CEPT1: variants seen among roughly 807,000 people sequenced by gnomAD.
CEPT1 encodes choline/ethanolamine phosphotransferase 1.
A neutral mutation model predicts 42.6 loss-of-function variants in CEPT1; 7 were observed. The ratio of observed to expected loss-of-function variants is 0.16; its 90% CI spans 0.09 to 0.31. CEPT1 has a LOEUF of 0.31. CEPT1 is among the 10% of genes least tolerant of loss of function. The probability of loss-of-function intolerance (pLI) is 1.00; values close to 1 mark genes in which losing one functional copy is unlikely to be tolerated. For synonymous variants in CEPT1, 171 were observed against 171.9 expected (o/e 0.99, Z 0.04); for missense variants, 306 against 502.1 (o/e 0.61, Z 3.73).
At chr1:111,161,422 C>G (rs1321170057) in intron 4 of CEPT1, 126 bp downstream of exon 4, 2 of 881,794 alleles carry the variant, frequency 2.3e-6, no homozygotes, top group Middle Eastern at 3.4e-4. Flanking sequence ...AAAATTTATG[C>G]TTCATTATTA....
At chr1:111,148,819 T>C (rs1557922607) in intron 2 of CEPT1, among the ~76,000 whole-genome samples, 1 of 152,192 alleles carries the variant, frequency 6.6e-6, no homozygotes, top group Non-Finnish European at 1.5e-5. Flanking sequence ...ACTAAGCTAG[T>C]TAGGTAGATG....
intron 5 of CEPT1, among the ~76,000 whole-genome samples, chr1:111,176,487 G>C (rs530451755): frequency 6.6e-6 from 1 of 152,012 alleles, no homozygotes; most frequent in South Asian, 2.1e-4. Context: ...GTAATATGTT[G>C]TACATAAAGT....
chr1:111,161,354 T>C, intron 4 of CEPT1, 58 bp downstream of exon 4: 1 of 1,465,082 alleles, frequency 6.8e-7, no homozygotes, highest in Non-Finnish European at 9.2e-7. Context: ...GAATGTTGCC[T>C]TATAAGTATT....
intron 1 of CEPT1, among the ~76,000 whole-genome samples, chr1:111,143,090 CT>C: frequency 6.6e-6 from 1 of 152,328 alleles, no homozygotes; most frequent in South Asian, 2.1e-4. Context: ...TTACAGGTTT[CT>C]TTATAAGCAC....
intron 5 of CEPT1, among the ~76,000 whole-genome samples, chr1:111,175,898 AAG>A (rs1656654597): frequency 6.6e-6 from 1 of 152,190 alleles, no homozygotes; most frequent in African/African-American, 2.4e-5. Flanking sequence ...AATCTTAACA[AAG>A]AAAAGATTTA....
At chr1:111,152,224 CTTGTTAGA>C (rs1182673776) in intron 2 of CEPT1, among the ~76,000 whole-genome samples, 1 of 151,884 alleles carries the variant, frequency 6.6e-6, no homozygotes, top group Non-Finnish European at 1.5e-5. Context: ...TAAAAAATAA[CTTGTTAGA>C]TTTTTTTTTG....
At chr1:111,171,558 G>A (rs1157615629) in intron 4 of CEPT1, among the ~76,000 whole-genome samples, 1 of 152,088 alleles carries the variant, frequency 6.6e-6, no homozygotes, top group Non-Finnish European at 1.5e-5. Context: ...CAGATGAATG[G>A]TTTGCTTCTT....
rs116055056 is a variant in CEPT1 at position 111,152,777 on chromosome 1, T to G, written c.339+4724T>G. On this transcript the variant is annotated intron_variant, in intron 2 of 8. Coordinates refer to ENST00000357172, the MANE Select transcript of CEPT1 (RefSeq NM_006090.5). ...GATTTTTAAAAACTTTTTGTATGTTTGAAATAGTAATAAAACTCATATTGT... is the reference window on the plus strand; with the variant it reads ...GATTTTTAAAAACTTTTTGTATGTTGGAAATAGTAATAAAACTCATATTGT... Among the ~76,000 whole-genome samples, 923 of 152,268 alleles carry G rather than the reference T, an allele frequency of 6.1e-3. 10 individuals carry two copies. The highest frequency in any genetic ancestry group is 0.021 in the African/African-American group (866 of 41,548).
intron 4 of CEPT1, among the ~76,000 whole-genome samples, chr1:111,170,211 T>C (rs1656351480): frequency 6.6e-6 from 1 of 152,186 alleles, no homozygotes; most frequent in African/African-American, 2.4e-5. Context: ...GTGATAAAGA[T>C]AGACTGCCCT....
At chr1:111,152,911 A>G (rs1417228519) in intron 2 of CEPT1, among the ~76,000 whole-genome samples, 5 of 152,216 alleles carry the variant, frequency 3.3e-5, no homozygotes, top group African/African-American at 1.2e-4. Flanking sequence ...ACATATATAC[A>G]GTGTATAATG....
chr1:111,159,639 T>C, intron 3 of CEPT1, 112 bp downstream of exon 3: 2 of 791,138 alleles, frequency 2.5e-6, no homozygotes, highest in East Asian at 6.4e-5. Flanking sequence ...GTATTAAATT[T>C]TAGTATTTCT....
chr1:111,150,102 A>G lies in CEPT1; in HGVS notation c.339+2049A>G, dbSNP rs116484160. Among the ~76,000 whole-genome samples, 1,097 of 152,292 alleles carry G rather than the reference A, an allele frequency of 7.2e-3. 7 individuals are homozygous for G. The highest frequency in any genetic ancestry group is 0.011 in the Non-Finnish European group (766 of 68,000). Reference sequence around the variant, plus strand: ...TGCTTGTTGTTCTGCAAGGGAAGATAATGTCCTACAATGGAGATGCCTGGA... The same window carrying G: ...TGCTTGTTGTTCTGCAAGGGAAGATGATGTCCTACAATGGAGATGCCTGGA... On this transcript the variant is annotated intron_variant, in intron 2 of 8. Coordinates refer to ENST00000357172, the MANE Select transcript of CEPT1 (RefSeq NM_006090.5).
chr1:111,183,440 C>T (rs1657091344), intron 7 of CEPT1, 22 bp from the exon 8 acceptor site: 2 of 1,611,140 alleles, frequency 1.2e-6, no homozygotes, highest in South Asian at 1.1e-5. Flanking sequence ...AAAATGCCTA[C>T]GTTATTCTGT....
At chr1:111,160,747 A>T (rs934469049) in intron 3 of CEPT1, 2 of 156,004 alleles carry the variant, frequency 1.3e-5, no homozygotes, top group Admixed American at 6.0e-5. Flanking sequence ...TATCTGTTTA[A>T]AAAAAAAAAG....
chr1:111,167,340 T>A, intron 4 of CEPT1: 2 of 959,956 alleles, frequency 2.1e-6, no homozygotes, highest in South Asian at 9.7e-5. Context: ...AAACATAATT[T>A]TAATATATTA....
rs1481608627 is a variant in CEPT1 at position 111,147,949 on chromosome 1, G to C, written c.235G>C (p.Val79Leu). ...QGYWEWLVRR[V>L]PSWIAPNLIT... ...GTATTGGGAATGGCTCGTTAGAAGA[G>C]TTCCCTCCTGGATTGCCCCAAATCT... is the stretch of plus-strand genomic sequence containing the variant. Residue 79 changes from valine to leucine, a missense_variant, in exon 2 of 9, where the codon GTT becomes CTT. By Grantham distance (32) the Val-to-Leu change is conservative. Around this residue, in one of 2 missense-constraint regions of CEPT1, gnomAD observed 253 missense variants for 447.3 expected, o/e 0.57. Transcript: ENST00000357172. 5 of 1,614,022 alleles carry C rather than the reference G, an allele frequency of 3.1e-6. No homozygotes were observed. The highest frequency in any genetic ancestry group is 2.7e-5 in the African/African-American group (2 of 74,914).
intron 1 of CEPT1, among the ~76,000 whole-genome samples, 171 bp from the exon 2 acceptor site, chr1:111,147,471 T>G (rs1228514125): frequency 6.6e-6 from 1 of 152,198 alleles, no homozygotes; most frequent in Non-Finnish European, 1.5e-5. Context: ...GTTATACACT[T>G]TCAATAAGAA....
chr1:111,167,449 A>C, intron 4 of CEPT1: 1 of 870,702 alleles, frequency 1.1e-6, no homozygotes, highest in Non-Finnish European at 1.4e-6. Context: ...TATTGTGCCT[A>C]TTATTTTTAT....
At chr1:111,155,499 A>ATATATGTATATATACATATGTATATG (rs1553236014) in intron 2 of CEPT1, among the ~76,000 whole-genome samples, 4 of 151,740 alleles carry the variant, frequency 2.6e-5, no homozygotes, top group Non-Finnish European at 4.4e-5. Flanking sequence ...CATGTGTGTC[A>ATATATGTATATATACATATGTATATG]TATATGTATA....
Sources: gnomAD v4.1 joint callset for allele counts (sites outside exome capture counted in the v4.1 genomes callset) on GRCh38, gnomAD v4.1.1 for gene constraint, gnomAD v4.1.1 regional missense constraint, MANE v1.5 for transcripts, NCBI Gene and HGNC (gene_info 2026-07-23, HGNC 2026-07-21) for gene names.